The following RTF1 variants were observed in gnomAD, a reference collection of about 807,000 sequenced individuals.
The protein encoded by RTF1 is RNA polymerase-associated protein RTF1 homolog.
A neutral mutation model predicts 95.7 loss-of-function variants in RTF1; 10 were observed. That is an observed-to-expected ratio of 0.10 (90% CI 0.06 to 0.18). The LOEUF is 0.18. Ranked by LOEUF, RTF1 falls within the 10% of genes least tolerant of loss-of-function variation. RTF1 has a pLI of 1.00. For synonymous variants in RTF1, 305 were observed against 311.8 expected, an observed-to-expected ratio of 0.98 and a Z score of 0.23; for missense variants, 458 against 875.6, an observed-to-expected ratio of 0.52 and a Z score of 6.02.
chr15:41,480,999 C>T lies in RTF1; in HGVS notation c.*312C>T, dbSNP rs866146674. 7 of 305,100 alleles carry T rather than the reference C, an allele frequency of 2.3e-5. No individual in the cohort carries two copies. Among genetic ancestry groups the T allele is most frequent in the Middle Eastern group, 1.1e-3 (1 of 888 alleles). 18.9% of individuals were successfully genotyped at this position (305,100 alleles called of 1,614,324 possible). On this transcript the variant is annotated 3_prime_UTR_variant, in exon 18 of 18. Coordinates refer to ENST00000389629, the MANE Select transcript of RTF1 (RefSeq NM_015138.5). The stretch of plus-strand genomic sequence containing the variant: ...CGCGCAGTTCATTGGCCACTCTGCA[C>T]GCATTCAGTATTACCATGGAGCTGG...
At chr15:41,475,884 C>A in intron 11 of RTF1, 65 bp downstream of exon 11, 1 of 785,408 alleles carries the variant, frequency 1.3e-6, no homozygotes, top group Non-Finnish European at 2.1e-6. Flanking sequence ...GAACATGATT[C>A]TCTTTTATTT....
At chr15:41,479,699 A>G (rs2050960553) in intron 16 of RTF1, among the ~76,000 whole-genome samples, 1 of 152,022 alleles carries the variant, frequency 6.6e-6, no homozygotes, top group Non-Finnish European at 1.5e-5. Context: ...CGTCTCTACT[A>G]AAAATAGAAA....
chr15:41,464,264 T>C (rs2050868906), intron 4 of RTF1, among the ~76,000 whole-genome samples: 1 of 150,668 alleles, frequency 6.6e-6, no homozygotes, highest in Non-Finnish European at 1.5e-5. Flanking sequence ...CTCTTTTTTT[T>C]TTTTTGAAAC....
rs776328186 is a variant in RTF1, at chr15:41,475,692, G to A, written c.1375-20G>A. 8.8e-6 allele frequency: 14 copies of A among 1,599,942 alleles called. No homozygotes were observed. The East Asian group carries it at 1.1e-4, about 13-fold the overall frequency. ...TCCAAAATCCCTTACTAATAATCTC[G>A]TATCGTGTTTTTGATCCAGATGTTC... On this transcript the variant is annotated intron_variant, in intron 10 of 17. Coordinates refer to ENST00000389629, the MANE Select transcript of RTF1 (RefSeq NM_015138.5).
intron 1 of RTF1, among the ~76,000 whole-genome samples, chr15:41,424,528 C>T (rs138177744): frequency 3.2e-4 from 49 of 152,126 alleles, no homozygotes; most frequent in Middle Eastern, 3.4e-3. Flanking sequence ...TGTTTTGACC[C>T]TTTGAGGATG....
In RTF1 at chr15:41,445,025, G is replaced by T. The variant is rs187796182; in HGVS notation, c.309+6594G>T. ...TGGCTCACTCCAAGCTCCACCTCCC[G>T]GATTCACGCCGTTCTCCTGCCTCAG... On this transcript the variant is annotated intron_variant, in intron 2 of 17. Coordinates refer to ENST00000389629, the MANE Select transcript of RTF1 (RefSeq NM_015138.5). Among the ~76,000 whole-genome samples the T allele has an allele frequency of 3.3e-3, 504 of 152,134 alleles. 2 individuals carry two copies. Among genetic ancestry groups the T allele is most frequent in the African/African-American group, 0.011 (477 of 41,506 alleles).
At position 41,417,166 on chromosome 15, in the gene RTF1, G is replaced by C. The variant is rs2050574805; in HGVS notation, c.51G>C (p.Val17=). 7.9e-7 allele frequency: 1 copy of C among 1,262,512 alleles called. No homozygotes were observed. 78.2% of individuals were successfully genotyped at this position (1,262,512 alleles called of 1,614,324 possible). ...VGRAAAAAAA[V]AVPLAGGQEG... Reference sequence around the variant, plus strand: ...GAGCAGCGGCGGCGGCGGCGGCAGTGGCGGTCCCACTGGCAGGCGGGCAAG... The same window carrying C: ...GAGCAGCGGCGGCGGCGGCGGCAGTCGCGGTCCCACTGGCAGGCGGGCAAG... The change falls in exon 1 of 18, where the codon GTG becomes GTC. Residue 17 remains valine (V), a synonymous_variant. Coordinates refer to ENST00000389629, the MANE Select transcript of RTF1 (RefSeq NM_015138.5).
intron 4 of RTF1, among the ~76,000 whole-genome samples, chr15:41,461,936 T>TA (rs61469805): frequency 6.7e-6 from 1 of 149,656 alleles, no homozygotes; most frequent in Admixed American, 6.7e-5. Context: ...TTTTTTTTTT[T>TA]AGAGAGGGGG....
intron 4 of RTF1, among the ~76,000 whole-genome samples, chr15:41,463,355 G>A (rs2050861232): frequency 6.6e-6 from 1 of 152,156 alleles, no homozygotes; most frequent in African/African-American, 2.4e-5. Context: ...TAGAATTGCT[G>A]GCTGGTACGG....
chr15:41,430,423 G>C (rs1235013777), intron 1 of RTF1, among the ~76,000 whole-genome samples: 2 of 151,800 alleles, frequency 1.3e-5, no homozygotes, highest in Non-Finnish European at 2.9e-5. Context: ...GGTCTATTCA[G>C]CTATTATGAG....
intron 1 of RTF1, among the ~76,000 whole-genome samples, chr15:41,437,759 A>G (rs1468998022): frequency 6.6e-6 from 1 of 152,082 alleles, no homozygotes; most frequent in Non-Finnish European, 1.5e-5. Context: ...GAATTGGGAG[A>G]ATAGGGCTTG....
rs2050909723 is a variant in RTF1, at chr15:41,471,167, C to T, written c.1026-5C>T. ...TTTTTTCCAGTGCCCCTTTGTTCCT[C>T]TTAGGAAAGAAGAGATCCCTCCCAA... is the stretch of plus-strand genomic sequence containing the variant. On this transcript the variant is annotated splice_polypyrimidine_tract_variant and splice_region_variant and intron_variant, in intron 7 of 17. Transcript: ENST00000389629. 1.9e-6 allele frequency: 3 copies of T among 1,592,588 alleles called. No individual in the cohort carries two copies. Among genetic ancestry groups the T allele is most frequent in the Middle Eastern group, 1.7e-4 (1 of 5,978 alleles).
At chr15:41,467,402 A>G (rs1337475412) in intron 6 of RTF1, among the ~76,000 whole-genome samples, 1 of 152,078 alleles carries the variant, frequency 6.6e-6, no homozygotes, top group African/African-American at 2.4e-5. Context: ...GGGTATAGAG[A>G]TGGGTGAAGA....
chr15:41,478,355 T>A (rs2050952676), intron 14 of RTF1, 193 bp from the exon 15 acceptor site: 3 of 550,688 alleles, frequency 5.4e-6, no homozygotes, highest in Admixed American at 3.4e-5. Context: ...GAGCTGAGAT[T>A]GCGTCACTGC....
intron 1 of RTF1, among the ~76,000 whole-genome samples, chr15:41,433,282 A>G (rs2050684912): frequency 6.6e-6 from 1 of 152,082 alleles, no homozygotes; most frequent in Admixed American, 6.6e-5. Context: ...TAAAACTGGC[A>G]TAATAATGCA....
rs554085379 is a variant in RTF1, at chr15:41,481,801, C to T, written c.*1114C>T. On this transcript the variant is annotated 3_prime_UTR_variant, in exon 18 of 18. Transcript: ENST00000389629. The stretch of plus-strand genomic sequence containing the variant: ...AAACACAAAAAGATTTAGGTTACGC[C>T]GGGTGCAGTAGCTCACGCCTGTAAT... 6 of 152,546 alleles carry T rather than the reference C, an allele frequency of 3.9e-5. No homozygotes were observed. The highest frequency in any genetic ancestry group is 2.1e-4 in the South Asian group (1 of 4,828). 9.4% of individuals were successfully genotyped at this position (152,546 alleles called of 1,614,324 possible).
intron 3 of RTF1, among the ~76,000 whole-genome samples, chr15:41,456,679 A>G (rs1389293515): frequency 6.6e-6 from 1 of 151,050 alleles, no homozygotes; most frequent in Non-Finnish European, 1.5e-5. Flanking sequence ...CGCCTGAGCT[A>G]CTCGGGAGTC....
At chr15:41,441,946 G>T (rs1394657919) in intron 2 of RTF1, among the ~76,000 whole-genome samples, 1 of 152,100 alleles carries the variant, frequency 6.6e-6, no homozygotes, top group Admixed American at 6.6e-5. Flanking sequence ...CTTAGCACGA[G>T]CACCTCTGAG....
intron 1 of RTF1, among the ~76,000 whole-genome samples, chr15:41,422,799 G>A (rs1293543745): frequency 6.6e-6 from 1 of 151,768 alleles, no homozygotes; most frequent in African/African-American, 2.4e-5. Flanking sequence ...TTTTTGAGAC[G>A]GAGTCTCGCT....
Sources: allele counts gnomAD v4.1 joint callset (sites outside exome capture counted in the v4.1 genomes callset), GRCh38; gene constraint gnomAD v4.1.1; transcripts MANE v1.5; gene names NCBI Gene and HGNC (gene_info 2026-07-23, HGNC 2026-07-21).